The following CNTN4 variants were observed in gnomAD, a reference collection of about 807,000 sequenced individuals.
CNTN4 encodes the protein contactin 4, also known as contactin-4.
A neutral mutation model predicts 122.5 loss-of-function variants in CNTN4; 77 were observed. The observed-to-expected ratio is 0.63, with a 90% CI of 0.52 to 0.76. The LOEUF (loss-of-function observed/expected upper bound fraction) is 0.76, where lower values mean the gene tolerates loss of function less well. CNTN4 is among the 30% of genes least tolerant of loss of function. The pLI is 0.00. For synonymous variants in CNTN4, 512 were observed against 447.0 expected (o/e 1.15, Z -1.83); for missense variants, 1,256 against 1,259.1 (o/e 1.00, Z 0.04).
At chr3:2,795,621 C>T (rs199925307) in intron 6 of CNTN4, among the ~76,000 whole-genome samples, 5 of 151,316 alleles carry the variant, frequency 3.3e-5, no homozygotes, top group African/African-American at 9.7e-5. Flanking sequence ...CCCGGGTTCA[C>T]GCCATTCTCC....
chr3:2,157,935 A>G (rs73095891), intron 2 of CNTN4, among the ~76,000 whole-genome samples: 3,814 of 152,320 alleles, frequency 0.025, 145 homozygotes, highest in African/African-American at 0.087. Flanking sequence ...AAATCTATCA[A>G]AACCAATTAA....
chr3:2,924,397 T>C (rs2094454501), intron 12 of CNTN4, among the ~76,000 whole-genome samples: 1 of 152,044 alleles, frequency 6.6e-6, no homozygotes, highest in Non-Finnish European at 1.5e-5. Flanking sequence ...ACATTCAACA[T>C]GGTCTTAAAT....
intron 7 of CNTN4, among the ~76,000 whole-genome samples, chr3:2,827,173 C>A (rs2093004562): frequency 6.6e-6 from 1 of 152,206 alleles, no homozygotes; most frequent in African/African-American, 2.4e-5. Flanking sequence ...CCTCAGGAAG[C>A]AGTCCCTGTA....
chr3:2,249,128 CAATT>C (rs58054613), intron 2 of CNTN4, among the ~76,000 whole-genome samples: 23,916 of 135,872 alleles, frequency 0.18, 2,432 homozygotes, highest in East Asian at 0.46. Flanking sequence ...TATTATTTGT[CAATT>C]AAAGAAAATA....
At chr3:2,247,200 T>A (rs2040191117) in intron 2 of CNTN4, among the ~76,000 whole-genome samples, 1 of 152,082 alleles carries the variant, frequency 6.6e-6, no homozygotes, top group African/African-American at 2.4e-5. Context: ...GTGACTGCAA[T>A]AATTCTTGAG....
At chr3:2,187,305 G>T (rs1056151151) in intron 2 of CNTN4, among the ~76,000 whole-genome samples, 2 of 152,258 alleles carry the variant, frequency 1.3e-5, no homozygotes, top group Non-Finnish European at 2.9e-5. Context: ...TTTAGTACCA[G>T]TACCATGCTG....
At chr3:2,797,017 T>C (rs7637437) in intron 6 of CNTN4, among the ~76,000 whole-genome samples, 41,150 of 151,980 alleles carry the variant, frequency 0.27, 5,938 homozygotes, top group Non-Finnish European at 0.32. Flanking sequence ...GTTGTTTTCA[T>C]AGAGATAGAG....
At chr3:2,188,145 A>G (rs2037362384) in intron 2 of CNTN4, among the ~76,000 whole-genome samples, 1 of 152,162 alleles carries the variant, frequency 6.6e-6, no homozygotes. Flanking sequence ...AATTTTCTGC[A>G]TCTTCTAAGT....
chr3:2,973,399 T>G (rs1693120080), intron 13 of CNTN4, among the ~76,000 whole-genome samples: 1 of 152,064 alleles, frequency 6.6e-6, no homozygotes, highest in African/African-American at 2.4e-5. Context: ...TGGTGACATC[T>G]CTGTTTATCC....
chr3:2,906,230 C>G (rs1014348112), intron 12 of CNTN4, among the ~76,000 whole-genome samples: 1 of 152,106 alleles, frequency 6.6e-6, no homozygotes, highest in Admixed American at 6.6e-5. Flanking sequence ...TACAACACTT[C>G]AGTTAGATGG....
chr3:2,575,803 CTTCTTCTTTT>C (rs1053226079), intron 4 of CNTN4, among the ~76,000 whole-genome samples: 14 of 103,298 alleles, frequency 1.4e-4, no homozygotes, highest in Non-Finnish European at 2.2e-4. Flanking sequence ...TTGCTTTCTT[CTTCTTCTTTT>C]TTTTTTTTTT....
chr3:2,491,212 T>C (rs2076307873), intron 3 of CNTN4, among the ~76,000 whole-genome samples: 1 of 152,198 alleles, frequency 6.6e-6, no homozygotes, highest in Non-Finnish European at 1.5e-5. Context: ...AGGAAACAGC[T>C]TATTGTGAAC....
intron 3 of CNTN4, among the ~76,000 whole-genome samples, chr3:2,421,781 T>G (rs1403073004): frequency 6.6e-6 from 1 of 152,224 alleles, no homozygotes; most frequent in Non-Finnish European, 1.5e-5. Context: ...GAAAAAATGC[T>G]AAGTACTTTA....
chr3:3,004,055 C>T (rs1471939997), intron 14 of CNTN4, among the ~76,000 whole-genome samples: 3 of 151,940 alleles, frequency 2.0e-5, no homozygotes, highest in Admixed American at 1.3e-4. Context: ...CCACCATGCC[C>T]GGCCTGAAGC....
At chr3:2,255,996 C>G (rs922700579) in intron 2 of CNTN4, among the ~76,000 whole-genome samples, 16 of 152,102 alleles carry the variant, frequency 1.1e-4, no homozygotes, top group African/African-American at 3.9e-4. Flanking sequence ...ATCAATGAAT[C>G]CAGGAGCTGG....
chr3:2,446,072 G>C (rs933131898), intron 3 of CNTN4, among the ~76,000 whole-genome samples: 2 of 152,140 alleles, frequency 1.3e-5, no homozygotes, highest in African/African-American at 4.8e-5. Flanking sequence ...TTTATTTCCT[G>C]TTCTGATTTT....
At chr3:2,409,928 T>C (rs2047171919) in intron 3 of CNTN4, among the ~76,000 whole-genome samples, 1 of 152,068 alleles carries the variant, frequency 6.6e-6, no homozygotes, top group Non-Finnish European at 1.5e-5. Context: ...AATTTACCAG[T>C]ATGGGTTTGT....
At chr3:2,550,368 A>T (rs1202729063) in intron 3 of CNTN4, among the ~76,000 whole-genome samples, 1 of 152,230 alleles carries the variant, frequency 6.6e-6, no homozygotes, top group African/African-American at 2.4e-5. Context: ...ATCACTGGTC[A>T]TTAGAGAAAT....
intron 3 of CNTN4, among the ~76,000 whole-genome samples, chr3:2,556,645 C>T (rs1056739120): frequency 2.7e-5 from 4 of 149,950 alleles, no homozygotes; most frequent in African/African-American, 9.9e-5. Context: ...CCTACAAACA[C>T]ACATACACAC....
Sources: gnomAD v4.1 joint callset for allele counts (sites outside exome capture counted in the v4.1 genomes callset) on GRCh38, gnomAD v4.1.1 for gene constraint, MANE v1.5 for transcripts, NCBI Gene and HGNC (gene_info 2026-07-23, HGNC 2026-07-21) for gene names.